GDPD4: variants seen among roughly 807,000 people sequenced by gnomAD.
GDPD4 encodes glycerophosphodiester phosphodiesterase domain containing 4, also known as glycerophosphodiester phosphodiesterase 6.
In GDPD4, 60 loss-of-function variants were observed where a neutral mutation model predicts 67.8. The ratio of observed to expected loss-of-function variants is 0.88; its 90% CI spans 0.72 to 1.10. The LOEUF is 1.10. GDPD4 is among the 50% of genes least tolerant of loss of function. GDPD4 has a pLI of 0.00. For synonymous variants in GDPD4, 212 were observed against 210.9 expected, an observed-to-expected ratio of 1.00 and a Z score of -0.04; for missense variants, 623 against 613.9, an observed-to-expected ratio of 1.01 and a Z score of -0.16.
At chr11:77,300,558 A>G (rs1275775950) in intron 1 of GDPD4, among the ~76,000 whole-genome samples, 2 of 152,086 alleles carry the variant, frequency 1.3e-5, no homozygotes, top group Non-Finnish European at 2.9e-5. Flanking sequence ...ATAAGCAGAA[A>G]AAAAGTCTGT....
At chr11:77,229,100 T>G in intron 15 of GDPD4, 50 bp downstream of exon 15, 1 of 827,372 alleles carries the variant, frequency 1.2e-6, no homozygotes, top group East Asian at 2.7e-5. Context: ...TTTCCTATAA[T>G]AATCCATTTA....
intron 2 of GDPD4, among the ~76,000 whole-genome samples, chr11:77,286,600 A>G (rs1960006584): frequency 1.3e-5 from 2 of 152,188 alleles, no homozygotes; most frequent in Admixed American, 1.3e-4. Context: ...CAAATAAGTA[A>G]AGGTACATGA....
intron 16 of GDPD4, among the ~76,000 whole-genome samples, chr11:77,220,231 C>G (rs1238760577): frequency 6.6e-6 from 1 of 152,230 alleles, no homozygotes; most frequent in Non-Finnish European, 1.5e-5. Flanking sequence ...CTGGCCAGAA[C>G]TTCCAACACT....
intron 1 of GDPD4, among the ~76,000 whole-genome samples, chr11:77,293,720 A>C (rs1328798506): frequency 1.3e-5 from 2 of 152,240 alleles, no homozygotes; most frequent in African/African-American, 4.8e-5. Context: ...TCAGCACACT[A>C]GGAATAGAAT....
intron 3 of GDPD4, among the ~76,000 whole-genome samples, chr11:77,284,373 C>T (rs990446910): frequency 1.3e-5 from 2 of 152,084 alleles, no homozygotes; most frequent in South Asian, 4.1e-4. Context: ...GTGATTATCT[C>T]TCAAGAGTGA....
intron 15 of GDPD4, 52 bp downstream of exon 15, chr11:77,229,097 TA>T (rs760336794): frequency 2.4e-6 from 2 of 816,646 alleles, no homozygotes; most frequent in Non-Finnish European, 3.9e-6. Context: ...CAATTTCCTA[TA>T]ATAATCCATT....
intron 16 of GDPD4, 129 bp downstream of exon 16, chr11:77,227,735 T>TA: frequency 2.3e-6 from 1 of 426,388 alleles, no homozygotes; most frequent in Non-Finnish European, 4.8e-6. Flanking sequence ...CCCTGGTCCC[T>TA]CCCCCAACCC....
At chr11:77,301,512 C>T (rs1938159670) in intron 1 of GDPD4, 93 bp downstream of exon 1, 1 of 152,252 alleles carries the variant, frequency 6.6e-6, no homozygotes, top group Admixed American at 6.5e-5. Context: ...GTCAAAGGGC[C>T]TCAAGTTTGG....
At chr11:77,269,841 C>T in intron 8 of GDPD4, 42 bp downstream of exon 8, 1 of 1,087,980 alleles carries the variant, frequency 9.2e-7, no homozygotes, top group Non-Finnish European at 1.4e-6. Flanking sequence ...AAGTTACCAC[C>T]TTTGCTTTAG....
intron 10 of GDPD4, among the ~76,000 whole-genome samples, chr11:77,261,451 T>G (rs1401920793): frequency 6.6e-6 from 1 of 151,978 alleles, no homozygotes; most frequent in Admixed American, 6.6e-5. Context: ...TTGGCCAGGC[T>G]GGTCTCGAAC....
At chr11:77,280,034 T>C (rs1003424999) in intron 3 of GDPD4, among the ~76,000 whole-genome samples, 18 of 152,158 alleles carry the variant, frequency 1.2e-4, no homozygotes, top group Non-Finnish European at 5.9e-5. Context: ...TTAGTGAACA[T>C]ATAACTACAC....
At chr11:77,270,097 A>G (rs1261473331) in intron 7 of GDPD4, 137 bp from the exon 8 acceptor site, 1 of 536,770 alleles carries the variant, frequency 1.9e-6, no homozygotes, top group African/African-American at 1.9e-5. Context: ...CTATCTATGC[A>G]GTCTTTCTCT....
At position 77,250,647 on chromosome 11, in the gene GDPD4, T is replaced by G. The variant is rs537300181; in HGVS notation, c.865-5145A>C. 3.9e-5 allele frequency among the ~76,000 whole-genome samples: 6 copies of G among 152,346 alleles called. No homozygotes were observed. The South Asian group carries it at 8.3e-4, about 21-fold the overall frequency. ...GAATGTGTATTCCATAGCTATTTTA[T>G]GAAGTATTCTGTAATTGTCTGTTAG... On this transcript the variant is annotated intron_variant, in intron 11 of 16. Coordinates refer to ENST00000315938, the MANE Select transcript of GDPD4 (RefSeq NM_182833.3).
rs1020111047 is a variant in GDPD4, at chr11:77,216,669, A to C, written c.*608T>G. On this transcript the variant is annotated 3_prime_UTR_variant, in exon 17 of 17. Coordinates refer to ENST00000315938, the MANE Select transcript of GDPD4 (RefSeq NM_182833.3). Reference sequence around the variant, plus strand: ...AGCAACCAGTTCCAAGACCACACACAGCAGTTTTCCCCTTGCCTAGCCCCT... The same window carrying C: ...AGCAACCAGTTCCAAGACCACACACCGCAGTTTTCCCCTTGCCTAGCCCCT... 3 of 516,368 alleles carry C rather than the reference A, an allele frequency of 5.8e-6. No individual in the cohort carries two copies. Among genetic ancestry groups the C allele is most frequent in the Non-Finnish European group, 1.0e-5 (3 of 288,528 alleles). 32.0% of individuals were successfully genotyped at this position (516,368 alleles called of 1,614,324 possible).
intron 10 of GDPD4, among the ~76,000 whole-genome samples, chr11:77,264,211 C>T (rs192869371): frequency 6.6e-6 from 1 of 152,290 alleles, no homozygotes; most frequent in African/African-American, 2.4e-5. Flanking sequence ...AACTTGTTTA[C>T]ATTACTTGCT....
intron 16 of GDPD4, among the ~76,000 whole-genome samples, chr11:77,219,849 CT>C (rs1958194269): frequency 6.6e-6 from 1 of 152,162 alleles, no homozygotes; most frequent in Admixed American, 6.5e-5. Flanking sequence ...TTAGGATTGT[CT>C]TGGCAATGCC....
intron 13 of GDPD4, among the ~76,000 whole-genome samples, chr11:77,236,729 A>AACACAC (rs34508625): frequency 6.9e-6 from 1 of 145,388 alleles, no homozygotes; most frequent in African/African-American, 2.5e-5. Context: ...ACAAGAAGGA[A>AACACAC]ACACACACAC....
At chr11:77,245,984 T>C (rs1958776705) in intron 11 of GDPD4, among the ~76,000 whole-genome samples, 1 of 152,204 alleles carries the variant, frequency 6.6e-6, no homozygotes, top group South Asian at 2.1e-4. Flanking sequence ...AAGCTTTCCT[T>C]TAATCTTCCT....
chr11:77,258,846 G>A (rs1354981755), intron 10 of GDPD4, among the ~76,000 whole-genome samples: 1 of 152,184 alleles, frequency 6.6e-6, no homozygotes, highest in Non-Finnish European at 1.5e-5. Context: ...AAAATAAAGT[G>A]AATGGAGGTA....
Sources: allele counts gnomAD v4.1 joint callset (sites outside exome capture counted in the v4.1 genomes callset), GRCh38; gene constraint gnomAD v4.1.1; transcripts MANE v1.5; gene names NCBI Gene and HGNC (gene_info 2026-07-23, HGNC 2026-07-21).